BANK1: variants seen among roughly 807,000 people sequenced by gnomAD.
BANK1 encodes B cell scaffold protein with ankyrin repeats 1.
In BANK1, 95 loss-of-function variants were observed where a neutral mutation model predicts 94.5. That is an observed-to-expected ratio of 1.00 (90% confidence interval 0.85 to 1.19). BANK1 has a LOEUF of 1.19. Among genes scored for constraint, BANK1 ranks in the 50% most tolerant of loss-of-function variants. The pLI, the probability that BANK1 is intolerant of heterozygous loss-of-function variation, is 0.00. For missense variants in BANK1, 987 were observed against 932.2 expected (o/e 1.06, Z -0.77); for synonymous variants, 334 against 308.4 (o/e 1.08, Z -0.87).
chr4:101,814,017 T>C, intron 1 of BANK1: 15 of 373,404 alleles, frequency 4.0e-5, no homozygotes, highest in Non-Finnish European at 5.2e-5. Flanking sequence ...TTTGAGATGA[T>C]ATTTCTTTAG....
chr4:102,068,856 A>G (rs1029338999), intron 13 of BANK1, among the ~76,000 whole-genome samples: 18 of 151,984 alleles, frequency 1.2e-4, no homozygotes, highest in African/African-American at 4.3e-4. Context: ...CTAAGAAAAT[A>G]TGTAGTTAAC....
intron 7 of BANK1, among the ~76,000 whole-genome samples, chr4:101,950,107 T>C (rs1480103919): frequency 1.3e-5 from 2 of 151,984 alleles, no homozygotes; most frequent in Non-Finnish European, 1.5e-5. Context: ...CTAAGAAATA[T>C]CATTTCTGGT....
At position 101,899,204 on chromosome 4, in the gene BANK1, G is replaced by C. The variant is rs1722191787; in HGVS notation, c.1009+3794G>C. On this transcript the variant is annotated intron_variant, in intron 6 of 16. Transcript: ENST00000322953. ...ATTTTTTCTGGGATGAAAAGTAATAGATGGTAGGGAAAAATGTAGTCCTGT... is the reference window on the plus strand; with the variant it reads ...ATTTTTTCTGGGATGAAAAGTAATACATGGTAGGGAAAAATGTAGTCCTGT... Among the ~76,000 whole-genome samples, 3 of 151,232 alleles carry C rather than the reference G, an allele frequency of 2.0e-5. No individual in the cohort carries two copies. In the South Asian group the frequency reaches 6.2e-4, roughly 31 times the overall value.
At chr4:101,909,770 C>T (rs2148896972) in intron 6 of BANK1, among the ~76,000 whole-genome samples, 1 of 152,286 alleles carries the variant, frequency 6.6e-6, no homozygotes, top group African/African-American at 2.4e-5. Flanking sequence ...TCACATTGTA[C>T]ACACTAAATA....
chr4:101,817,049 G>C (rs1419149520), intron 1 of BANK1, among the ~76,000 whole-genome samples: 1 of 152,110 alleles, frequency 6.6e-6, no homozygotes. Flanking sequence ...CAGCCTGACT[G>C]TGTAGTAGAG....
intron 1 of BANK1, among the ~76,000 whole-genome samples, chr4:101,810,047 G>T (rs931575654): frequency 1.3e-5 from 2 of 152,170 alleles, no homozygotes; most frequent in South Asian, 4.1e-4. Context: ...GAGTGAAAAG[G>T]GAGGCAGAAG....
chr4:101,910,884 C>T (rs1233424067), intron 6 of BANK1, among the ~76,000 whole-genome samples: 1 of 151,952 alleles, frequency 6.6e-6, no homozygotes, highest in African/African-American at 2.4e-5. Flanking sequence ...GTGGGATAAA[C>T]AGGACACAGC....
At chr4:102,013,942 A>G (rs1309618982) in intron 7 of BANK1, among the ~76,000 whole-genome samples, 1 of 152,114 alleles carries the variant, frequency 6.6e-6, no homozygotes, top group Admixed American at 6.6e-5. Flanking sequence ...AGCACTTGAT[A>G]GGTCTTATTT....
intron 6 of BANK1, among the ~76,000 whole-genome samples, chr4:101,908,092 T>A (rs975905090): frequency 1.3e-4 from 20 of 152,184 alleles, no homozygotes; most frequent in Non-Finnish European, 2.4e-4. Context: ...GAGCCCGCAT[T>A]GCCAAGTCAA....
intron 7 of BANK1, among the ~76,000 whole-genome samples, chr4:101,946,687 T>C (rs58846155): frequency 6.6e-6 from 1 of 151,966 alleles, no homozygotes; most frequent in Non-Finnish European, 1.5e-5. Context: ...CATTAAAACA[T>C]AGGGACTACT....
Position 101,848,828 on chromosome 4 carries a change from A to G in BANK1, c.470-6207A>G, listed in dbSNP as rs746913663. Among the ~76,000 whole-genome samples, 10 of 152,188 alleles carry G rather than the reference A, an allele frequency of 6.6e-5. 1 individual carries two copies. The highest frequency in any genetic ancestry group is 5.2e-4 in the Admixed American group (8 of 15,276). The stretch of plus-strand genomic sequence containing the variant: ...AGGGTCTCTAACTTTTAGGCATTAG[A>G]GATGGATGTCCCTTCATTCTCTTCC... On this transcript the variant is annotated intron_variant, in intron 2 of 16. Transcript: ENST00000322953.
intron 11 of BANK1, among the ~76,000 whole-genome samples, chr4:102,051,125 G>A (rs1452712870): frequency 6.6e-6 from 1 of 152,144 alleles, no homozygotes; most frequent in Non-Finnish European, 1.5e-5. Flanking sequence ...TCTAGAAGCA[G>A]GAGACCTGGA....
At chr4:102,039,667 T>C (rs1407785748) in intron 10 of BANK1, among the ~76,000 whole-genome samples, 1 of 152,046 alleles carries the variant, frequency 6.6e-6, no homozygotes, top group East Asian at 1.9e-4. Flanking sequence ...TGACCTTTAT[T>C]TAAATGAACA....
intron 11 of BANK1, among the ~76,000 whole-genome samples, chr4:102,051,425 G>A (rs537601289): frequency 2.6e-5 from 4 of 152,124 alleles, no homozygotes; most frequent in South Asian, 2.1e-4. Context: ...CAATATGTTC[G>A]CAACCCACAG....
chr4:101,872,329 A>G (rs1217178343), intron 5 of BANK1, among the ~76,000 whole-genome samples: 1 of 152,146 alleles, frequency 6.6e-6, no homozygotes, highest in Non-Finnish European at 1.5e-5. Flanking sequence ...ACCTAGAAGT[A>G]TTGTGGGATT....
chr4:101,853,654 A>T (rs1178259335), intron 2 of BANK1, among the ~76,000 whole-genome samples: 1 of 152,108 alleles, frequency 6.6e-6, no homozygotes, highest in East Asian at 1.9e-4. Flanking sequence ...AAGCAGGCGT[A>T]ATTTTATGAT....
At chr4:101,907,195 G>T (rs923201899) in intron 6 of BANK1, among the ~76,000 whole-genome samples, 67 of 152,284 alleles carry the variant, frequency 4.4e-4, no homozygotes, top group African/African-American at 1.6e-3. Flanking sequence ...TTATCAAAAA[G>T]CTTATCCACC....
Position 101,847,804 on chromosome 4 carries a change from C to T in BANK1, c.470-7231C>T, listed in dbSNP as rs993910983. 2.6e-5 allele frequency among the ~76,000 whole-genome samples: 4 copies of T among 151,582 alleles called. No homozygotes were observed. In the South Asian group the frequency reaches 6.2e-4, roughly 24 times the overall value. ...GTCTCACACAGTTTCTTTATCCACT[C>T]GTTGATTGATGGGCATTTGGGTTGG... On this transcript the variant is annotated intron_variant, in intron 2 of 16. Transcript: ENST00000322953.
intron 7 of BANK1, among the ~76,000 whole-genome samples, chr4:101,969,927 T>C (rs1333484645): frequency 1.3e-5 from 2 of 152,068 alleles, no homozygotes; most frequent in African/African-American, 2.4e-5. Flanking sequence ...AGGCTTCCTA[T>C]AGGGAGTGTG....
Sources: gnomAD v4.1 joint callset for allele counts (sites outside exome capture counted in the v4.1 genomes callset) on GRCh38, gnomAD v4.1.1 for gene constraint, MANE v1.5 for transcripts, NCBI Gene and HGNC (gene_info 2026-07-23, HGNC 2026-07-21) for gene names.